Variants in VCAN observed in about 807,000 individuals in gnomAD.
VCAN encodes the protein versican.
VCAN carries 44 observed loss-of-function variants against 245.5 expected under a neutral mutation model. That is an observed-to-expected ratio of 0.18 (90% CI 0.14 to 0.23). VCAN has a LOEUF of 0.23. Among genes scored for constraint, VCAN ranks in the 10% least tolerant of loss-of-function variants. The pLI, the probability that VCAN is intolerant of heterozygous loss-of-function variation, is 1.00. For missense variants in VCAN, 3,793 were observed against 4,057.9 expected (o/e 0.93, Z 1.77); for synonymous variants, 1,413 against 1,437.0 (o/e 0.98, Z 0.38).
intron 2 of VCAN, among the ~76,000 whole-genome samples, chr5:83,486,000 G>A (rs1561226486): frequency 6.6e-6 from 1 of 152,036 alleles, no homozygotes; most frequent in Non-Finnish European, 1.5e-5. Context: ...GCCTGTAGTA[G>A]CCCAGTAGCT....
At position 83,582,289 on chromosome 5, in the gene VCAN, C is replaced by T. The variant is rs952468128; in HGVS notation, c.*1855C>T. The T allele has an allele frequency of 4.6e-5, 7 of 152,040 alleles. No individual in the cohort carries two copies. The highest frequency in any genetic ancestry group is 8.8e-5 in the Non-Finnish European group (6 of 67,988). The allele number at this position is 152,040 out of a possible 1,614,324, so 9.4% of individuals were successfully genotyped here. ...TGTTTCACCAAAGAAACCTAAAATC[C>T]TTCTTTTACTACACTGTGACTGGTC... On this transcript the variant is annotated 3_prime_UTR_variant, in exon 15 of 15. Coordinates refer to ENST00000265077, the MANE Select transcript of VCAN (RefSeq NM_004385.5).
rs368511815 is a variant in VCAN at position 83,483,591 on chromosome 5, G to C, written c.70+3G>C. 5.0e-6 allele frequency: 8 copies of C among 1,612,508 alleles called. No individual in the cohort carries two copies. The highest frequency in any genetic ancestry group is 6.8e-6 in the Non-Finnish European group (8 of 1,178,872). ...AGTAACCCATGCGCTACATAAAGGTGAGTGTGCTAACAATTTCTTTGGTGT... is the reference window on the plus strand; with the variant it reads ...AGTAACCCATGCGCTACATAAAGGTCAGTGTGCTAACAATTTCTTTGGTGT... On this transcript the variant is annotated splice_donor_region_variant and intron_variant, in intron 2 of 14. Coordinates refer to ENST00000265077, the MANE Select transcript of VCAN (RefSeq NM_004385.5).
intron 7 of VCAN, among the ~76,000 whole-genome samples, chr5:83,524,099 A>G (rs1746201602): frequency 6.6e-6 from 1 of 152,194 alleles, no homozygotes; most frequent in African/African-American, 2.4e-5. Context: ...CAAGTGGGAA[A>G]CTGCCAGTTA....
chr5:83,533,031 A>C (rs140235107), intron 7 of VCAN, among the ~76,000 whole-genome samples: 1 of 152,154 alleles, frequency 6.6e-6, no homozygotes, highest in African/African-American at 2.4e-5. Flanking sequence ...ATCTATATGC[A>C]TCCCATAACA....
chr5:83,539,634 T>C lies in VCAN; in HGVS notation c.6631T>C (p.Leu2211=), dbSNP rs1243828747. The change falls in exon 8 of 15, where the codon TTA becomes CTA. Residue 2211 remains leucine, a synonymous_variant. Transcript: ENST00000265077. The part of the protein sequence containing the change: ...EKSHFFLATA[L]VTESIPAEHV... Reference sequence around the variant, plus strand: ...GTCACATTTTTTCTTAGCTACTGCATTAGTAACTGAATCTATACCAGCTGA... The same window carrying C: ...GTCACATTTTTTCTTAGCTACTGCACTAGTAACTGAATCTATACCAGCTGA... 1.9e-6 allele frequency: 3 copies of C among 1,614,054 alleles called. 1 individual carries two copies. The South Asian group carries it at 3.3e-5, about 18-fold the overall frequency.
intron 5 of VCAN, among the ~76,000 whole-genome samples, chr5:83,497,724 G>T (rs541376371): frequency 2.0e-5 from 3 of 152,276 alleles, no homozygotes; most frequent in Non-Finnish European, 2.9e-5. Flanking sequence ...AAAACATTGG[G>T]AGGGTTTTAA....
At chr5:83,549,255 G>T (rs897841337) in intron 10 of VCAN, among the ~76,000 whole-genome samples, 8 of 152,142 alleles carry the variant, frequency 5.3e-5, no homozygotes, top group African/African-American at 1.9e-4. Flanking sequence ...ACTGTTCTGG[G>T]CATTGGAGAT....
At chr5:83,474,560 C>T (rs1744315035) in intron 1 of VCAN, among the ~76,000 whole-genome samples, 1 of 152,226 alleles carries the variant, frequency 6.6e-6, no homozygotes, top group East Asian at 1.9e-4. Context: ...AACGGGCGCT[C>T]CCCGCAGCGG....
intron 11 of VCAN, among the ~76,000 whole-genome samples, chr5:83,554,121 A>T (rs1180925656): frequency 6.6e-6 from 1 of 152,226 alleles, no homozygotes; most frequent in African/African-American, 2.4e-5. Context: ...CTGCAGCAAA[A>T]AGGAGGGCAA....
intron 3 of VCAN, 55 bp from the exon 4 acceptor site, chr5:83,493,491 A>C: frequency 9.3e-6 from 15 of 1,611,114 alleles, no homozygotes; most frequent in Non-Finnish European, 1.3e-5. Context: ...GAAATTTTGC[A>C]CAGTGCAGTG....
At chr5:83,495,327 G>C (rs537797242) in intron 5 of VCAN, among the ~76,000 whole-genome samples, 14 of 152,196 alleles carry the variant, frequency 9.2e-5, no homozygotes, top group African/African-American at 3.4e-4. Context: ...AATTTGCATC[G>C]GAAGGCCTGC....
Position 83,545,551 on chromosome 5 carries a change from A to G in VCAN, c.9280A>G (p.Lys3094Glu), listed in dbSNP as rs766996519. Residue 3094 changes from lysine (K) to glutamate (E), a missense_variant, in exon 9 of 15, where the codon AAA becomes GAA. This residue lies in a region of VCAN where 3,182 missense variants were observed against 3,250.3 expected (regional missense o/e 0.98). Coordinates refer to ENST00000265077, the MANE Select transcript of VCAN (RefSeq NM_004385.5). ...GAATATGGTAGGACCTGATCGCTGC[A>G]AAATGAACCCGTGCCTTAACGGAGG... ...AIYLPGPDRC[K>E]MNPCLNGGTC... The G allele has an allele frequency of 6.2e-7, 1 of 1,614,140 alleles. No individual in the cohort carries two copies. The highest frequency in any genetic ancestry group is 8.5e-7 in the Non-Finnish European group (1 of 1,179,974).
At position 83,546,472 on chromosome 5, in the gene VCAN, C is replaced by T. The variant is rs147239210; in HGVS notation, c.9379+822C>T. Among the ~76,000 whole-genome samples, 33 of 151,854 alleles carry T rather than the reference C, an allele frequency of 2.2e-4. No homozygotes were observed. The East Asian group carries it at 5.0e-3, about 23-fold the overall frequency. ...TAAAAGAGTACTTAAAAAAAGTCAA[C>T]GAGGCCAGCGCGGTGGTTCAAGCCT... is the stretch of plus-strand genomic sequence containing the variant. On this transcript the variant is annotated intron_variant, in intron 9 of 14. Coordinates refer to ENST00000265077, the MANE Select transcript of VCAN (RefSeq NM_004385.5).
intron 6 of VCAN, among the ~76,000 whole-genome samples, chr5:83,514,625 A>T (rs558465103): frequency 6.6e-6 from 1 of 151,962 alleles, no homozygotes. Flanking sequence ...GTGCCCGGCT[A>T]ATTTTGTGTT....
chr5:83,560,959 G>A (rs1217826326), intron 12 of VCAN, among the ~76,000 whole-genome samples: 1 of 152,146 alleles, frequency 6.6e-6, no homozygotes, highest in African/African-American at 2.4e-5. Flanking sequence ...ATGTATAGAG[G>A]CCGAGGACTG....
intron 2 of VCAN, among the ~76,000 whole-genome samples, chr5:83,487,163 A>G (rs1744820174): frequency 6.6e-6 from 1 of 152,242 alleles, no homozygotes; most frequent in Non-Finnish European, 1.5e-5. Context: ...ACAGTCGTGA[A>G]TAAGTGAATG....
rs1580620424 is a variant in VCAN, at chr5:83,513,150, T to C, written c.1042+754T>C. 2.0e-5 allele frequency among the ~76,000 whole-genome samples: 3 copies of C among 152,326 alleles called. No homozygotes were observed. In the East Asian group the frequency reaches 5.8e-4, roughly 29 times the overall value. On this transcript the variant is annotated intron_variant, in intron 6 of 14. Transcript: ENST00000265077. ...GTAGTCACATGATATAGTATCATAGTTGTAGAATGCAAATTAAACAAGCAA... is the reference window on the plus strand; with the variant it reads ...GTAGTCACATGATATAGTATCATAGCTGTAGAATGCAAATTAAACAAGCAA...
intron 2 of VCAN, 141 bp downstream of exon 2, chr5:83,483,729 T>C: frequency 1.3e-6 from 1 of 788,876 alleles, no homozygotes; most frequent in Non-Finnish European, 2.1e-6. Context: ...GTTAAAATAT[T>C]ATTGGACCAA....
chr5:83,565,660 A>G (rs1748052602), intron 12 of VCAN, among the ~76,000 whole-genome samples: 2 of 152,152 alleles, frequency 1.3e-5, no homozygotes, highest in Admixed American at 1.3e-4. Flanking sequence ...CTCAGTGAAA[A>G]TGACTTGAAA....
Sources: gnomAD v4.1 joint callset for allele counts (sites outside exome capture counted in the v4.1 genomes callset) on GRCh38, gnomAD v4.1.1 for gene constraint, gnomAD v4.1.1 regional missense constraint, MANE v1.5 for transcripts, NCBI Gene and HGNC (gene_info 2026-07-23, HGNC 2026-07-21) for gene names.